NUBPL: variants seen among roughly 807,000 people sequenced by gnomAD.
NUBPL encodes the protein iron-sulfur cluster transfer protein NUBPL.
In NUBPL, 31 loss-of-function variants were observed where a neutral mutation model predicts 45.7. The observed-to-expected ratio is 0.68, with a 90% CI of 0.51 to 0.92. The LOEUF (loss-of-function observed/expected upper bound fraction) is 0.92. NUBPL is among the 40% of genes least tolerant of loss of function. The pLI is 0.00. For missense variants in NUBPL, 401 were observed against 398.7 expected, an observed-to-expected ratio of 1.01 and a Z score of -0.05; for synonymous variants, 144 against 140.9, an observed-to-expected ratio of 1.02 and a Z score of -0.15.
At chr14:31,666,448 A>G (rs980106716) in intron 4 of NUBPL, among the ~76,000 whole-genome samples, 3 of 151,358 alleles carry the variant, frequency 2.0e-5, no homozygotes, top group African/African-American at 7.3e-5. Flanking sequence ...TATTCTTAGT[A>G]GAGACAGGGT....
At chr14:31,729,698 T>C (rs894307496) in intron 6 of NUBPL, among the ~76,000 whole-genome samples, 1 of 152,002 alleles carries the variant, frequency 6.6e-6, no homozygotes, top group African/African-American at 2.4e-5. Flanking sequence ...TATTCTAATA[T>C]TAAGTTGGTG....
intron 4 of NUBPL, among the ~76,000 whole-genome samples, chr14:31,626,042 A>T (rs1187456351): frequency 6.6e-6 from 1 of 152,238 alleles, no homozygotes; most frequent in Non-Finnish European, 1.5e-5. Flanking sequence ...AACTGACAGC[A>T]AAACTGTGGG....
intron 6 of NUBPL, among the ~76,000 whole-genome samples, chr14:31,695,269 A>G (rs1207699883): frequency 1.3e-5 from 2 of 151,712 alleles, no homozygotes; most frequent in African/African-American, 4.8e-5. Flanking sequence ...CTGTTGTCAG[A>G]TGACTTACAT....
At chr14:31,635,171 G>A (rs1441845248) in intron 4 of NUBPL, among the ~76,000 whole-genome samples, 20 of 151,000 alleles carry the variant, frequency 1.3e-4, no homozygotes, top group South Asian at 4.2e-4. Context: ...GCCCATGCCT[G>A]TGTCCTGAAT....
At chr14:31,812,919 A>T (rs568149256) in intron 7 of NUBPL, among the ~76,000 whole-genome samples, 2 of 151,534 alleles carry the variant, frequency 1.3e-5, no homozygotes, top group Admixed American at 1.3e-4. Flanking sequence ...TTTAAAATCC[A>T]TGAAGGCCTC....
intron 8 of NUBPL, among the ~76,000 whole-genome samples, chr14:31,834,467 C>CCA (rs1270591066): frequency 1.3e-5 from 2 of 152,164 alleles, no homozygotes; most frequent in East Asian, 3.9e-4. Flanking sequence ...GCGTGAGCCA[C>CCA]TGCGCCTGGC....
chr14:31,753,041 G>A (rs1407962478), intron 6 of NUBPL, among the ~76,000 whole-genome samples: 1 of 152,196 alleles, frequency 6.6e-6, no homozygotes, highest in African/African-American at 2.4e-5. Context: ...TCTACCAATG[G>A]GTGGGGATTA....
intron 3 of NUBPL, among the ~76,000 whole-genome samples, chr14:31,588,913 C>CA (rs5807627): frequency 0.45 from 55,024 of 121,522 alleles, 13,498 homozygotes; most frequent in East Asian, 0.59. Context: ...GACTCCGTCT[C>CA]AAAAAAAAAA....
chr14:31,844,525 C>T (rs1412134280), intron 8 of NUBPL: 1 of 152,192 alleles, frequency 6.6e-6, no homozygotes, highest in African/African-American at 2.4e-5. Context: ...AGCAAAAGGG[C>T]ATATATTAGA....
intron 7 of NUBPL, among the ~76,000 whole-genome samples, chr14:31,809,610 A>G (rs1379002976): frequency 1.3e-5 from 2 of 151,778 alleles, no homozygotes; most frequent in Non-Finnish European, 2.9e-5. Flanking sequence ...TTGTGTCTCT[A>G]TTTCCTTCAG....
At chr14:31,798,928 A>G (rs954323855) in intron 7 of NUBPL, among the ~76,000 whole-genome samples, 2 of 152,104 alleles carry the variant, frequency 1.3e-5, no homozygotes, top group Non-Finnish European at 2.9e-5. Context: ...TGTAAGGATC[A>G]AATAAGATAA....
At chr14:31,776,478 G>A (rs2039100406) in intron 6 of NUBPL, among the ~76,000 whole-genome samples, 2 of 152,154 alleles carry the variant, frequency 1.3e-5, no homozygotes, top group Non-Finnish European at 2.9e-5. Flanking sequence ...AGAAGGAAAC[G>A]CTCAAATCTG....
intron 7 of NUBPL, among the ~76,000 whole-genome samples, chr14:31,807,364 G>A (rs2039710497): frequency 6.6e-6 from 1 of 152,120 alleles, no homozygotes; most frequent in Non-Finnish European, 1.5e-5. Flanking sequence ...GCATTTCTCT[G>A]ATGACCAGTG....
intron 7 of NUBPL, among the ~76,000 whole-genome samples, chr14:31,818,303 G>A (rs192913568): frequency 1.7e-3 from 262 of 152,130 alleles, no homozygotes; most frequent in Middle Eastern, 0.01. Flanking sequence ...TGGACCAAGC[G>A]GATATAATAG....
intron 4 of NUBPL, among the ~76,000 whole-genome samples, chr14:31,601,157 C>T (rs991501560): frequency 5.3e-5 from 8 of 152,146 alleles, no homozygotes; most frequent in Non-Finnish European, 1.2e-4. Flanking sequence ...GTTACTGTAA[C>T]CTTGCAGTAT....
At chr14:31,755,033 G>A (rs371317052) in intron 6 of NUBPL, among the ~76,000 whole-genome samples, 8 of 151,590 alleles carry the variant, frequency 5.3e-5, no homozygotes, top group South Asian at 2.1e-4. Context: ...TGAACTCATC[G>A]TTTTTTATGG....
At position 31,693,820 on chromosome 14, in the gene NUBPL, AAAAC is replaced by A. The variant is rs1426325375; in HGVS notation, c.513+20247_513+20250del. 2.4e-3 allele frequency among the ~76,000 whole-genome samples: 332 copies of A among 140,294 alleles called. 1 individual carries two copies. Among genetic ancestry groups the A allele is most frequent in the Non-Finnish European group, 4.2e-3 (262 of 62,720 alleles). 92.0% of individuals were successfully genotyped at this position (140,294 alleles called of 152,430 possible). A position where few individuals can be genotyped will look rare whatever the true frequency, so the allele number is the denominator to read the frequency against. On this transcript the variant is annotated intron_variant, in intron 6 of 10. Coordinates refer to ENST00000281081, the MANE Select transcript of NUBPL (RefSeq NM_025152.3). ...AAAATTAAAAAAAAAAAAAAAAAAA[AAAAC>A]CTTTAAACATGAGGTAGATTTTCTT...
At chr14:31,721,988 T>C (rs1051341608) in intron 6 of NUBPL, among the ~76,000 whole-genome samples, 3 of 152,126 alleles carry the variant, frequency 2.0e-5, no homozygotes, top group African/African-American at 7.2e-5. Context: ...ATGGTGTATA[T>C]GTACCACATT....
intron 6 of NUBPL, among the ~76,000 whole-genome samples, chr14:31,711,950 T>G (rs1385428763): frequency 2.6e-5 from 4 of 151,938 alleles, no homozygotes; most frequent in Non-Finnish European, 1.5e-5. Flanking sequence ...GCTTCAGGAG[T>G]GAAGCTGAAG....
Sources: allele counts gnomAD v4.1 joint callset (sites outside exome capture counted in the v4.1 genomes callset), GRCh38; gene constraint gnomAD v4.1.1; transcripts MANE v1.5; gene names NCBI Gene and HGNC (gene_info 2026-07-23, HGNC 2026-07-21).